Variants in SI observed in about 807,000 individuals in gnomAD.
SI encodes the protein sucrase-isomaltase.
Under a neutral mutation model 253.3 loss-of-function variants are expected in SI, and 235 were observed. The ratio of observed to expected loss-of-function variants is 0.93; its 90% CI spans 0.83 to 1.03. The LOEUF (loss-of-function observed/expected upper bound fraction) is 1.03. Among genes scored for constraint, SI ranks in the 50% least tolerant of loss-of-function variants. The probability of loss-of-function intolerance (pLI) is 0.00; values close to 1 mark genes in which losing one functional copy is unlikely to be tolerated. For missense variants in SI, 2,442 were observed against 2,211.1 expected (o/e 1.10, Z -2.09); for synonymous variants, 819 against 712.0 (o/e 1.15, Z -2.39).
intron 20 of SI, among the ~76,000 whole-genome samples, chr3:165,038,376 T>A (rs1712644487): frequency 6.6e-6 from 1 of 152,012 alleles, no homozygotes; most frequent in South Asian, 2.1e-4. Context: ...AAGGGTATAC[T>A]TAGCCAATAT....
chr3:165,005,425 G>A (rs926852138), intron 37 of SI, among the ~76,000 whole-genome samples: 1 of 151,964 alleles, frequency 6.6e-6, no homozygotes, highest in Admixed American at 6.6e-5. Context: ...GGTGATTACT[G>A]TGTATTGCAT....
At chr3:165,087,515 T>A in the SI span, among the ~76,000 whole-genome samples, 2 of 152,140 alleles carry the variant, frequency 1.3e-5, no homozygotes, top group Non-Finnish European at 1.5e-5. Flanking sequence ...CCTGCTTCAA[T>A]CTTAAGGAGA....
chr3:165,084,844 A>G, the SI span, among the ~76,000 whole-genome samples: 2 of 152,104 alleles, frequency 1.3e-5, no homozygotes, highest in South Asian at 2.1e-4. Context: ...ATTAACTTAT[A>G]CATTCCTGAA....
chr3:165,062,349 A>G (rs1714028052), intron 9 of SI, 22 bp downstream of exon 9: 1 of 1,241,084 alleles, frequency 8.1e-7, no homozygotes, highest in Non-Finnish European at 1.2e-6. Flanking sequence ...AAAAAATTTT[A>G]TAAAATAGAC....
intron 25 of SI, among the ~76,000 whole-genome samples, chr3:165,025,776 A>G (rs987236270): frequency 7.5e-4 from 113 of 151,514 alleles, no homozygotes; most frequent in African/African-American, 2.4e-3. Flanking sequence ...CCTTTTTCAG[A>G]CAAACAAATG....
chr3:165,070,444 G>T (rs1383485613), intron 3 of SI, among the ~76,000 whole-genome samples: 1 of 149,652 alleles, frequency 6.7e-6, no homozygotes, highest in Non-Finnish European at 1.5e-5. Context: ...TGCAAACTGG[G>T]GTACAATTGG....
chr3:165,025,232 C>T (rs1226551056), intron 25 of SI, among the ~76,000 whole-genome samples: 7 of 151,202 alleles, frequency 4.6e-5, no homozygotes, highest in Middle Eastern at 3.4e-3. Flanking sequence ...TAGAATCATA[C>T]AGGCAGAGGA....
rs200899300 is a variant in SI, at chr3:165,019,592, T to G, written c.3423+10A>C. 6.2e-7 allele frequency: 1 copy of G among 1,611,544 alleles called. No individual in the cohort carries two copies. The highest frequency in any genetic ancestry group is 8.5e-7 in the Non-Finnish European group (1 of 1,178,326). ...GTTGCCTCGTGGAGTGGTCATATGTTGGTACCTACACCAGGGGGTTGGTCT... is the reference window on the plus strand; with the variant it reads ...GTTGCCTCGTGGAGTGGTCATATGTGGGTACCTACACCAGGGGGTTGGTCT... On this transcript the variant is annotated intron_variant, in intron 28 of 47. Coordinates refer to ENST00000264382, the MANE Select transcript of SI (RefSeq NM_001041.4).
chr3:165,032,443 G>A lies in SI; in HGVS notation c.2736+79C>T, dbSNP rs1001905527. On this transcript the variant is annotated intron_variant, in intron 24 of 47. Transcript: ENST00000264382. Reference sequence around the variant, plus strand: ...GGAATACACACTGTGAGGAGAAATAGGATAAGTGCCTGAATGGTTATATAA... The same window carrying A: ...GGAATACACACTGTGAGGAGAAATAAGATAAGTGCCTGAATGGTTATATAA... 2.8e-5 allele frequency: 26 copies of A among 941,216 alleles called. No individual in the cohort carries two copies. The African/African-American group carries it at 3.8e-4, about 14-fold the overall frequency. 58.3% of individuals were successfully genotyped at this position (941,216 alleles called of 1,614,324 possible). A position where few individuals can be genotyped will look rare whatever the true frequency, so the allele number is the denominator to read the frequency against.
chr3:165,052,284 A>G (rs750945508), intron 13 of SI, among the ~76,000 whole-genome samples: 1 of 152,188 alleles, frequency 6.6e-6, no homozygotes, highest in Non-Finnish European at 1.5e-5. Context: ...TAAGATTTTT[A>G]ATATTACAAC....
rs749422966 is a variant in SI at position 165,065,402 on chromosome 3, G to A, written c.666C>T (p.Tyr222=). The part of the protein sequence containing the change: ...LFDTSIGPLV[Y]SDQYLQISTR... ...TTGAGATCTGTAAGTACTGGTCAGA[G>A]TACACTAAGGGACCAATGCTGGTGT... The change falls in exon 7 of 48, where the codon TAC becomes TAT. Residue 222 remains tyrosine (Y), a synonymous_variant. Coordinates refer to ENST00000264382, the MANE Select transcript of SI (RefSeq NM_001041.4). The A allele has an allele frequency of 1.3e-6, 2 of 1,570,036 alleles. No individual in the cohort carries two copies. Among genetic ancestry groups the A allele is most frequent in the African/African-American group, 1.4e-5 (1 of 72,100 alleles).
chr3:165,051,296 G>GA (rs905878277), intron 13 of SI, among the ~76,000 whole-genome samples: 2 of 151,846 alleles, frequency 1.3e-5, no homozygotes, highest in African/African-American at 4.8e-5. Context: ...GTGCTCAAGG[G>GA]AAAAAAGAAT....
intron 12 of SI, among the ~76,000 whole-genome samples, chr3:165,056,435 C>A (rs576328009): frequency 2.6e-5 from 4 of 152,204 alleles, no homozygotes; most frequent in African/African-American, 9.6e-5. Context: ...AAAGTACCTT[C>A]CTAAGAACCA....
intron 18 of SI, among the ~76,000 whole-genome samples, chr3:165,040,631 T>C (rs1167426110): frequency 6.6e-6 from 1 of 152,100 alleles, no homozygotes; most frequent in Non-Finnish European, 1.5e-5. Flanking sequence ...ATTTAGTTTA[T>C]ACTTTCAATA....
At chr3:165,089,551 T>C in the SI span, among the ~76,000 whole-genome samples, 1 of 152,108 alleles carries the variant, frequency 6.6e-6, no homozygotes, top group Non-Finnish European at 1.5e-5. Flanking sequence ...AGAAGGATCC[T>C]GGGCCCTGGG....
Position 165,057,807 on chromosome 3 carries a change from C to A in SI, c.1398+1156G>T, listed in dbSNP as rs540125312. ...TTCTCAAGCAAAAGCTGAGGGATTT[C>A]ATCAACACCAGACAAGTCCTATAAG... On this transcript the variant is annotated intron_variant, in intron 12 of 47. Transcript: ENST00000264382. Among the ~76,000 whole-genome samples, 39 of 151,934 alleles carry A rather than the reference C, an allele frequency of 2.6e-4. No homozygotes were observed. The South Asian group carries it at 7.9e-3, about 31-fold the overall frequency.
At chr3:165,002,004 G>A (rs1479030312) in intron 37 of SI, among the ~76,000 whole-genome samples, 2 of 151,144 alleles carry the variant, frequency 1.3e-5, no homozygotes, top group Non-Finnish European at 3.0e-5. Flanking sequence ...CAAAACTCTT[G>A]GGCACTTATT....
At chr3:165,071,863 C>A (rs781623004) in intron 3 of SI, among the ~76,000 whole-genome samples, 2 of 152,114 alleles carry the variant, frequency 1.3e-5, no homozygotes, top group Non-Finnish European at 2.9e-5. Context: ...CATCTAGCTT[C>A]CAAGACTGTG....
At position 165,069,071 on chromosome 3, in the gene SI, T is replaced by C; in HGVS notation, c.373+7A>G. 6.4e-7 allele frequency: 1 copy of C among 1,568,138 alleles called. No individual in the cohort carries two copies. The highest frequency in any genetic ancestry group is 8.8e-7 in the Non-Finnish European group (1 of 1,138,112). On this transcript the variant is annotated splice_region_variant and intron_variant, in intron 4 of 47. Coordinates refer to ENST00000264382, the MANE Select transcript of SI (RefSeq NM_001041.4). ...ATATTGAATCATTATAACAGAGGACTTCTTACCAATACTTGTTGTTGTCAT... is the reference window on the plus strand; with the variant it reads ...ATATTGAATCATTATAACAGAGGACCTCTTACCAATACTTGTTGTTGTCAT...
Sources: allele counts gnomAD v4.1 joint callset (sites outside exome capture counted in the v4.1 genomes callset), GRCh38; gene constraint gnomAD v4.1.1; transcripts MANE v1.5; gene names NCBI Gene and HGNC (gene_info 2026-07-23, HGNC 2026-07-21).